The following SPEG variants were observed in gnomAD, a reference collection of about 807,000 sequenced individuals.
SPEG encodes the protein striated muscle preferentially expressed protein kinase.
A neutral mutation model predicts 300.4 loss-of-function variants in SPEG; 114 were observed. The ratio of observed to expected loss-of-function variants is 0.38; its 90% confidence interval spans 0.33 to 0.44. The LOEUF (loss-of-function observed/expected upper bound fraction) is 0.44. Ranked by LOEUF, SPEG falls within the 20% of genes least tolerant of loss-of-function variation. SPEG has a pLI of 1.00. For synonymous variants in SPEG, 1,964 were observed against 2,018.9 expected, an observed-to-expected ratio of 0.97 and a Z score of 0.73; for missense variants, 4,201 against 4,586.2, an observed-to-expected ratio of 0.92 and a Z score of 2.43.
chr2:219,465,913 G>A lies in SPEG; in HGVS notation c.2882-1261G>A, dbSNP rs970073116. 1.9e-4 allele frequency: 132 copies of A among 681,960 alleles called. No individual in the cohort carries two copies. The East Asian group carries it at 2.3e-3, about 12-fold the overall frequency. 42.2% of individuals were successfully genotyped at this position (681,960 alleles called of 1,614,324 possible). A position where few individuals can be genotyped will look rare whatever the true frequency, so the allele number is the denominator to read the frequency against. ...TGTGTGCGTATGGGTGTGTGCATGC[G>A]TGTGTGTGTGCGCGCGTGTGCGTGC... is the stretch of plus-strand genomic sequence containing the variant. On this transcript the variant is annotated intron_variant, in intron 9 of 40. Coordinates refer to ENST00000312358, the MANE Select transcript of SPEG (RefSeq NM_005876.5).
At chr2:219,452,908 C>T (rs74542189) in intron 6 of SPEG, among the ~76,000 whole-genome samples, 1,666 of 152,284 alleles carry the variant, frequency 0.011, 20 homozygotes, top group South Asian at 0.024. Flanking sequence ...TCTCGTGCTC[C>T]AGTAGAGCCT....
Position 219,445,131 on chromosome 2 carries a change from T to TGAG in SPEG, c.786_787insAGG (p.Leu262_Tyr263insArg). The TGAG allele has an allele frequency of 6.3e-7, 1 of 1,587,804 alleles. No homozygotes were observed. Among genetic ancestry groups the TGAG allele is most frequent in the Non-Finnish European group, 8.6e-7 (1 of 1,167,792 alleles). The stretch of plus-strand genomic sequence containing the variant: ...GACCTGTACGGCAGCGCATTCAGCC[T>TGAG]GTACAGAGGACGGGCGCTCTCTATC... On this transcript the variant is annotated inframe_insertion, in exon 3 of 41. Coordinates refer to ENST00000312358, the MANE Select transcript of SPEG (RefSeq NM_005876.5). This position sits in a 1 kb window ranked among gnomAD's most constrained non-coding sequence, Gnocchi z 6.1.
In SPEG at chr2:219,473,690, G is replaced by A. The variant is rs766955360; in HGVS notation, c.4272-38G>A. On this transcript the variant is annotated intron_variant, in intron 17 of 40. Coordinates refer to ENST00000312358, the MANE Select transcript of SPEG (RefSeq NM_005876.5). This position sits in a 1 kb window ranked among gnomAD's most constrained non-coding sequence, Gnocchi z 4.6. ...CCCAGCCTGGCCGGAATGCCCTGGG[G>A]CAAGATCTGGGTGACCTCCCTGTCA... The A allele has an allele frequency of 3.1e-6, 5 of 1,613,230 alleles. No individual in the cohort carries two copies. In the Admixed American group the frequency reaches 5.0e-5, roughly 16 times the overall value.
chr2:219,466,043 T>G, intron 9 of SPEG: 1 of 1,604,826 alleles, frequency 6.2e-7, no homozygotes, highest in Non-Finnish European at 8.5e-7. Flanking sequence ...ACTGAGGTTT[T>G]TGTCTGTACA....
In SPEG at chr2:219,464,820, C is replaced by T; in HGVS notation, c.2881+212C>T. 1 of 563,320 alleles carries T rather than the reference C, an allele frequency of 1.8e-6. No individual in the cohort carries two copies. The highest frequency in any genetic ancestry group is 3.2e-6 in the Non-Finnish European group (1 of 316,522). The allele number at this position is 563,320 out of a possible 1,614,324, so 34.9% of individuals were successfully genotyped here. A position where few individuals can be genotyped will look rare whatever the true frequency, so the allele number is the denominator to read the frequency against. ...GCTGCACAGCACATTGTTCCGTGCTCAGCTTACTACACAACACCACCTTCC... is the reference window on the plus strand; with the variant it reads ...GCTGCACAGCACATTGTTCCGTGCTTAGCTTACTACACAACACCACCTTCC... On this transcript the variant is annotated intron_variant, in intron 9 of 40. Coordinates refer to ENST00000312358, the MANE Select transcript of SPEG (RefSeq NM_005876.5). The surrounding 1 kb of genome is among the most constrained non-coding windows in gnomAD (Gnocchi z 4.5).
chr2:219,476,855 C>G lies in SPEG; in HGVS notation c.4448-15C>G, dbSNP rs769218650. On this transcript the variant is annotated splice_polypyrimidine_tract_variant and intron_variant, in intron 18 of 40. Coordinates refer to ENST00000312358, the MANE Select transcript of SPEG (RefSeq NM_005876.5). Reference sequence around the variant, plus strand: ...TAGCCCCTTCTCTTCCCACCCCTATCCCCATGTGTTTCAGAGGCCCCTCGG... The same window carrying G: ...TAGCCCCTTCTCTTCCCACCCCTATGCCCATGTGTTTCAGAGGCCCCTCGG... 3.7e-6 allele frequency: 6 copies of G among 1,604,264 alleles called. No individual in the cohort carries two copies. In the Admixed American group the frequency reaches 5.0e-5, roughly 13 times the overall value.
In SPEG at chr2:219,490,439, G is replaced by A. The variant is rs370680085; in HGVS notation, c.8952G>A (p.Arg2984=). The change falls in exon 37 of 41, where the codon CGG becomes CGA. Residue 2984 remains arginine, a synonymous_variant. Transcript: ENST00000312358. The part of the protein sequence containing the change: ...RGRFGVVRAC[R]ENATGRTFVA... ...GCTTTGGTGTTGTGCGAGCGTGCCG[G>A]GAGAATGCCACGGGGCGAACGTTCG... 6.2e-6 allele frequency: 10 copies of A among 1,612,730 alleles called. No individual in the cohort carries two copies. In the African/African-American group the frequency reaches 8.0e-5, roughly 13 times the overall value.
Position 219,483,274 on chromosome 2 carries a change from C to A in SPEG, c.5811C>A (p.Arg1937=). 6.2e-7 allele frequency: 1 copy of A among 1,607,442 alleles called. No homozygotes were observed. Among genetic ancestry groups the A allele is most frequent in the Non-Finnish European group, 8.5e-7 (1 of 1,177,172 alleles). ...EELEELPSVP[R]PLQPEFSGSR... ...TGGAAGAGCTGCCCTCAGTGCCCCG[C>A]CCACTGCAGCCCGAGTTCTCTGGCT... The change falls in exon 30 of 41, where the codon CGC becomes CGA. Residue 1937 remains arginine, a synonymous_variant. Transcript: ENST00000312358.
In SPEG at chr2:219,477,601, C is replaced by A. The variant is rs1035857919; in HGVS notation, c.4730-88C>A. 7.2e-7 allele frequency: 1 copy of A among 1,397,312 alleles called. No individual in the cohort carries two copies. Among genetic ancestry groups the A allele is most frequent in the African/African-American group, 1.4e-5 (1 of 69,544 alleles). The allele number at this position is 1,397,312 out of a possible 1,614,324, so 86.6% of individuals were successfully genotyped here. ...AGCCCCCAACATTCTTGCACCTCTT[C>A]TCTCTTCTTCTTCTGTCCACCTGTC... On this transcript the variant is annotated intron_variant, in intron 20 of 40. Transcript: ENST00000312358. The surrounding 1 kb of genome is among the most constrained non-coding windows in gnomAD (Gnocchi z 6.4).
Position 219,479,883 on chromosome 2 carries a change from G to A in SPEG, c.5163+23G>A. The A allele has an allele frequency of 1.2e-6, 2 of 1,613,960 alleles. No homozygotes were observed. The highest frequency in any genetic ancestry group is 2.2e-5 in the South Asian group (2 of 91,060). ...AAGGTGAGGTGGGGACTGGAGAGCA[G>A]ACAGCCCCTGTGGGAGCCAGGAGGT... On this transcript the variant is annotated intron_variant, in intron 24 of 40. Transcript: ENST00000312358. The surrounding 1 kb of genome is among the most constrained non-coding windows in gnomAD (Gnocchi z 5.5).
At position 219,444,808 on chromosome 2, in the gene SPEG, G is replaced by A. The variant is rs767437007; in HGVS notation, c.479-17G>A. Reference sequence around the variant, plus strand: ...TCCATAAGGGGTGCCTCAGTCTCACGGTGCTCCTTTCTCTAGGGGGTTCTG... The same window carrying A: ...TCCATAAGGGGTGCCTCAGTCTCACAGTGCTCCTTTCTCTAGGGGGTTCTG... On this transcript the variant is annotated splice_polypyrimidine_tract_variant and intron_variant, in intron 2 of 40. Transcript: ENST00000312358. The surrounding 1 kb of genome is among the most constrained non-coding windows in gnomAD (Gnocchi z 7.8). 9.3e-6 allele frequency: 15 copies of A among 1,606,028 alleles called. No individual in the cohort carries two copies. Among genetic ancestry groups the A allele is most frequent in the African/African-American group, 4.0e-5 (3 of 74,672 alleles).
Position 219,445,026 on chromosome 2 carries a change from T to C in SPEG, c.680T>C (p.Val227Ala). ...GGGGCCGGGCCACGGCACCTGGGGG[T>C]GGAGCCGCTGGTGCGGGCATCTCGA... ...ATGAGPRHLGVEPLVRASRAN... is the reference protein window; with the variant it reads ...ATGAGPRHLGAEPLVRASRAN... Residue 227 changes from valine (V) to alanine (A), a missense_variant, in exon 3 of 41, where the codon GTG becomes GCG. This residue lies in a region of SPEG where 1,258 missense variants were observed against 1,293.9 expected (regional missense o/e 0.97). Coordinates refer to ENST00000312358, the MANE Select transcript of SPEG (RefSeq NM_005876.5). This position sits in a 1 kb window ranked among gnomAD's most constrained non-coding sequence, Gnocchi z 6.1. The C allele has an allele frequency of 6.2e-7, 1 of 1,608,614 alleles. No homozygotes were observed. Among genetic ancestry groups the C allele is most frequent in the South Asian group, 1.1e-5 (1 of 90,718 alleles).
chr2:219,470,385 C>T (rs551077779), intron 13 of SPEG, among the ~76,000 whole-genome samples: 2 of 152,180 alleles, frequency 1.3e-5, no homozygotes, highest in Non-Finnish European at 2.9e-5. Flanking sequence ...GATGCCACCC[C>T]GGCTCCAACC....
chr2:219,473,740 C>T lies in SPEG; in HGVS notation c.4284C>T (p.Ala1428=). The T allele has an allele frequency of 1.2e-6, 2 of 1,613,022 alleles. No individual in the cohort carries two copies. The highest frequency in any genetic ancestry group is 1.7e-6 in the Non-Finnish European group (2 of 1,179,312). ...ATGTGTCCCCTAGCTGCCGAGGGGC[C>T]CTCCTAGAGGCACGGGCCGGTGTGT... ...AQVVWRSCRG[A]LLEARAGVYE... The change falls in exon 18 of 41, where the codon GCC becomes GCT. Residue 1428 remains alanine (A), a synonymous_variant. Transcript: ENST00000312358. The surrounding 1 kb of genome is among the most constrained non-coding windows in gnomAD (Gnocchi z 4.6).
chr2:219,488,746 G>A (rs957034240), intron 33 of SPEG, 32 bp from the exon 34 acceptor site: 7 of 1,611,856 alleles, frequency 4.3e-6, no homozygotes, highest in Non-Finnish European at 5.9e-6. Flanking sequence ...TAGGGTATAG[G>A]GGCTCACTGG....
chr2:219,442,404 C>A (rs929083137), intron 1 of SPEG, among the ~76,000 whole-genome samples: 9 of 151,968 alleles, frequency 5.9e-5, no homozygotes, highest in Non-Finnish European at 1.0e-4. Context: ...CATCTTCTCT[C>A]TCCTCTGTCC....
chr2:219,488,807 G>T lies in SPEG; in HGVS notation c.8056G>T (p.Val2686Leu). ...RVPGKLAPPE[V>L]PQTYQDTALV... The stretch of plus-strand genomic sequence containing the variant: ...CCCAGGAAAGCTAGCTCCTCCAGAG[G>T]TACCCCAGACCTACCAGGACACGGC... The change falls in exon 34 of 41, where the codon GTA (valine) becomes TTA (leucine). Residue 2686 changes from valine (V) to leucine (L), a missense_variant. Val to Leu is a conservative substitution (Grantham distance 32). Coordinates refer to ENST00000312358, the MANE Select transcript of SPEG (RefSeq NM_005876.5). 6.2e-7 allele frequency: 1 copy of T among 1,600,282 alleles called. No homozygotes were observed.
chr2:219,448,313 G>A lies in SPEG; in HGVS notation c.1155G>A (p.Ser385=). 6.2e-7 allele frequency: 1 copy of A among 1,605,730 alleles called. No individual in the cohort carries two copies. Among genetic ancestry groups the A allele is most frequent in the Non-Finnish European group, 8.5e-7 (1 of 1,177,226 alleles). The part of the protein sequence containing the change: ...TPLSEASGRL[S]ALGRSPRLVR... ...TGAGCGAGGCCTCAGGCCGCCTGTC[G>A]GCGTTGGGCCGATCGCCTAGGCTGG... The change falls in exon 4 of 41, where the codon TCG becomes TCA. Residue 385 remains serine, a synonymous_variant. Coordinates refer to ENST00000312358, the MANE Select transcript of SPEG (RefSeq NM_005876.5).
intron 18 of SPEG, among the ~76,000 whole-genome samples, chr2:219,475,802 C>A (rs6745071): frequency 0.52 from 78,697 of 152,098 alleles, 23,639 homozygotes; most frequent in East Asian, 0.77. Context: ...ACTGACACCC[C>A]TATTCCACTA....
Sources: allele counts gnomAD v4.1 joint callset (sites outside exome capture counted in the v4.1 genomes callset), GRCh38; gene constraint gnomAD v4.1.1; regional missense constraint gnomAD v4.1.1; non-coding constraint Gnocchi (gnomAD v3.1); transcripts MANE v1.5; gene names NCBI Gene and HGNC (gene_info 2026-07-23, HGNC 2026-07-21).